The following SPDYE10 variants were observed in gnomAD, a reference collection of about 807,000 sequenced individuals.
The protein encoded by SPDYE10 is speedy/RINGO cell cycle regulator family member E10.
At chr7:73,127,594 G>C in the SPDYE10 span, among the ~76,000 whole-genome samples, 859 of 80,134 alleles carry the variant, frequency 0.011, 8 homozygotes, top group African/African-American at 0.037. Context: ...GGAGGGGAAG[G>C]GGGAGAGGAA....
At chr7:73,149,584 G>A in the SPDYE10 span, among the ~76,000 whole-genome samples, 1 of 152,184 alleles carries the variant, frequency 6.6e-6, no homozygotes. Context: ...ATTGTGCCCA[G>A]CCAACAGCTA....
the SPDYE10 span, among the ~76,000 whole-genome samples, chr7:73,147,793 C>T: frequency 1.4e-5 from 2 of 147,104 alleles, no homozygotes; most frequent in African/African-American, 2.7e-5. Context: ...CCATACCTGG[C>T]CTGTTTTTTG....
the SPDYE10 span, among the ~76,000 whole-genome samples, chr7:73,135,365 C>G: frequency 6.6e-6 from 1 of 151,596 alleles, no homozygotes; most frequent in Admixed American, 6.6e-5. Flanking sequence ...ACAAAGGGAG[C>G]CTGCCCTTAA....
chr7:73,113,676 T>G, the SPDYE10 span, among the ~76,000 whole-genome samples: 1 of 151,840 alleles, frequency 6.6e-6, no homozygotes, highest in Non-Finnish European at 1.5e-5. Context: ...GGTGGATCGC[T>G]TGAGGTCAGG....
the SPDYE10 span, among the ~76,000 whole-genome samples, chr7:73,114,076 A>T: frequency 7.9e-6 from 1 of 127,020 alleles, no homozygotes; most frequent in Non-Finnish European, 1.7e-5. Flanking sequence ...CTGTAGTCTC[A>T]GCTACTCGGG....
At chr7:73,113,910 C>T in the SPDYE10 span, among the ~76,000 whole-genome samples, 6 of 152,008 alleles carry the variant, frequency 3.9e-5, no homozygotes, top group South Asian at 2.1e-4. Context: ...CCTGTATTCC[C>T]AGCTACTCAG....
chr7:73,127,863 C>G, the SPDYE10 span, among the ~76,000 whole-genome samples: 2 of 132,872 alleles, frequency 1.5e-5, no homozygotes, highest in Non-Finnish European at 3.2e-5. Flanking sequence ...GATTCTGACA[C>G]ATGCTGGTAG....
the SPDYE10 span, among the ~76,000 whole-genome samples, chr7:73,123,788 C>CCTCTCTCCCT: frequency 1.0e-5 from 1 of 97,458 alleles, no homozygotes; most frequent in African/African-American, 5.1e-5. Context: ...TCTCTCTCTC[C>CCTCTCTCCCT]CTCTCTCTCT....
the SPDYE10 span, among the ~76,000 whole-genome samples, chr7:73,120,632 C>A: frequency 9.4e-6 from 1 of 106,506 alleles, no homozygotes; most frequent in East Asian, 2.7e-4. Context: ...ACTAAAAATA[C>A]AAAAAATTAG....
At chr7:73,120,787 C>CA in the SPDYE10 span, among the ~76,000 whole-genome samples, 2,216 of 147,118 alleles carry the variant, frequency 0.015, 11 homozygotes, top group African/African-American at 0.053. Context: ...GATTCTGTCT[C>CA]AAAAAAAAAA....
At chr7:73,139,573 A>T in the SPDYE10 span, among the ~76,000 whole-genome samples, 1 of 147,114 alleles carries the variant, frequency 6.8e-6, no homozygotes, top group Non-Finnish European at 1.5e-5. Flanking sequence ...TGTCCACCTC[A>T]GCCTCCCAAA....
At chr7:73,134,736 C>A in the SPDYE10 span, among the ~76,000 whole-genome samples, 1 of 152,244 alleles carries the variant, frequency 6.6e-6, no homozygotes, top group African/African-American at 2.4e-5. Context: ...GTGGCATGCA[C>A]CTGTATTTCC....
At chr7:73,145,006 C>CA in the SPDYE10 span, among the ~76,000 whole-genome samples, 7,379 of 39,178 alleles carry the variant, frequency 0.19, 212 homozygotes, top group Middle Eastern at 0.32. Flanking sequence ...GGCTTCGTCT[C>CA]AAAAAAAAAA....
At chr7:73,117,024 T>C in the SPDYE10 span, among the ~76,000 whole-genome samples, 1 of 152,132 alleles carries the variant, frequency 6.6e-6, no homozygotes, top group South Asian at 2.1e-4. Flanking sequence ...GCCTCCCAAG[T>C]AGCTGAGAGT....
chr7:73,141,550 TACTA>T, the SPDYE10 span, among the ~76,000 whole-genome samples: 1 of 136,184 alleles, frequency 7.3e-6, no homozygotes, highest in Non-Finnish European at 1.6e-5. Flanking sequence ...AAGACATTAC[TACTA>T]ACTGTCACAT....
the SPDYE10 span, among the ~76,000 whole-genome samples, chr7:73,107,447 G>GATAA: frequency 8.3e-4 from 8 of 9,600 alleles, no homozygotes; most frequent in African/African-American, 1.2e-3. Flanking sequence ...CTCTTGTCTT[G>GATAA]ATAAATAAAT....
At chr7:73,150,944 A>ATTT in the SPDYE10 span, among the ~76,000 whole-genome samples, 3 of 15,820 alleles carry the variant, frequency 1.9e-4, no homozygotes, top group African/African-American at 8.8e-4. Flanking sequence ...ATATATATAT[A>ATTT]TATATTTTTT....
chr7:73,154,794 C>A, the SPDYE10 span: 1 of 201,862 alleles, frequency 5.0e-6, no homozygotes, highest in South Asian at 7.1e-5. Context: ...GCCGCCCAGC[C>A]CCCGCGGCAG....
At chr7:73,110,970 CT>C in the SPDYE10 span, 3 of 1,545,168 alleles carry the variant, frequency 1.9e-6, no homozygotes. Flanking sequence ...ACGAGCGACA[CT>C]CGCCGTCGCT....
Sources: allele counts gnomAD v4.1 joint callset (sites outside exome capture counted in the v4.1 genomes callset), GRCh38; gene constraint gnomAD v4.1.1; transcripts MANE v1.5; gene names NCBI Gene and HGNC (gene_info 2026-07-23, HGNC 2026-07-21).